The following FOXP1 variants were observed in gnomAD, a reference collection of about 807,000 sequenced individuals.
FOXP1 encodes the protein forkhead box P1.
A neutral mutation model predicts 98.2 loss-of-function variants in FOXP1; 15 were observed. The ratio of observed to expected loss-of-function variants is 0.15; its 90% CI spans 0.10 to 0.24. The LOEUF (loss-of-function observed/expected upper bound fraction) is 0.24. FOXP1 is among the 10% of genes least tolerant of loss of function. The pLI is 1.00. For synonymous variants in FOXP1, 371 were observed against 314.5 expected (o/e 1.18, Z -1.90); for missense variants, 633 against 848.5 (o/e 0.75, Z 3.15).
chr3:71,340,712 C>G (rs1456054255), intron 4 of FOXP1, among the ~76,000 whole-genome samples: 1 of 152,114 alleles, frequency 6.6e-6, no homozygotes, highest in African/African-American at 2.4e-5. Context: ...ACCCTACCAG[C>G]TGCCCACAAT....
intron 6 of FOXP1, among the ~76,000 whole-genome samples, chr3:71,135,152 G>A (rs1167423776): frequency 1.4e-5 from 2 of 142,646 alleles, no homozygotes; most frequent in African/African-American, 2.8e-5. Context: ...CCAGCTGCTC[G>A]GGAGGCTAAG....
chr3:71,250,476 A>G (rs1249113392), intron 5 of FOXP1, among the ~76,000 whole-genome samples: 1 of 152,026 alleles, frequency 6.6e-6, no homozygotes, highest in Non-Finnish European at 1.5e-5. Context: ...AGTGGCTGCC[A>G]TATCTTGGAC....
At chr3:71,328,036 G>C (rs1300346162) in intron 4 of FOXP1, among the ~76,000 whole-genome samples, 1 of 152,286 alleles carries the variant, frequency 6.6e-6, no homozygotes, top group East Asian at 1.9e-4. Flanking sequence ...ATCAGCAGTA[G>C]AGAGATCTGA....
intron 4 of FOXP1, among the ~76,000 whole-genome samples, chr3:71,320,277 A>AG (rs2075313701): frequency 6.6e-6 from 1 of 152,046 alleles, no homozygotes; most frequent in Non-Finnish European, 1.5e-5. Context: ...CGGAAGGCCA[A>AG]GGGGAAGCAT....
intron 3 of FOXP1, among the ~76,000 whole-genome samples, chr3:71,440,151 A>C (rs1366018810): frequency 6.6e-6 from 1 of 152,220 alleles, no homozygotes; most frequent in Non-Finnish European, 1.5e-5. Flanking sequence ...CAGTTATGCA[A>C]GATGAGAAAG....
intron 13 of FOXP1, among the ~76,000 whole-genome samples, chr3:71,000,378 A>G (rs2041960731): frequency 6.6e-6 from 1 of 151,952 alleles, no homozygotes; most frequent in South Asian, 2.1e-4. Flanking sequence ...TGCACGGTGA[A>G]CTCTCAGTTA....
At chr3:71,533,184 T>C (rs575500960) in intron 2 of FOXP1, among the ~76,000 whole-genome samples, 1 of 152,228 alleles carries the variant, frequency 6.6e-6, no homozygotes, top group African/African-American at 2.4e-5. Context: ...TTAGGCAAGA[T>C]GCATTATCAT....
At chr3:71,391,679 C>A (rs1203207192) in intron 3 of FOXP1, among the ~76,000 whole-genome samples, 1 of 152,374 alleles carries the variant, frequency 6.6e-6, no homozygotes, top group East Asian at 1.9e-4. Context: ...GGATTGCCCA[C>A]TAACTCTCAG....
intron 20 of FOXP1, among the ~76,000 whole-genome samples, chr3:70,964,077 C>G (rs999940375): frequency 2.0e-5 from 3 of 152,078 alleles, no homozygotes; most frequent in African/African-American, 4.8e-5. Context: ...AATATGAGGT[C>G]AAAAAGAGTA....
At chr3:71,466,294 G>T (rs575090317) in intron 3 of FOXP1, among the ~76,000 whole-genome samples, 5 of 152,242 alleles carry the variant, frequency 3.3e-5, no homozygotes, top group Admixed American at 6.5e-5. Context: ...AATCTGAACA[G>T]GCGAGCTGCT....
At chr3:71,107,538 A>C (rs1184575189) in intron 7 of FOXP1, among the ~76,000 whole-genome samples, 1 of 152,190 alleles carries the variant, frequency 6.6e-6, no homozygotes, top group African/African-American at 2.4e-5. Context: ...AAAGATATCA[A>C]AATTTCAATG....
rs566685975 is a variant in FOXP1 at position 70,993,322 on chromosome 3, C to T, written c.1063-5245G>A. On this transcript the variant is annotated intron_variant, in intron 13 of 20. Transcript: ENST00000649528. ...ATGCCCAGGACAGAGCTCCGCAAGGCAGAGTGGCATGGCCCCCAAAGCCGG... is the reference window on the plus strand; with the variant it reads ...ATGCCCAGGACAGAGCTCCGCAAGGTAGAGTGGCATGGCCCCCAAAGCCGG... Among the ~76,000 whole-genome samples, 32 of 152,288 alleles carry T rather than the reference C, an allele frequency of 2.1e-4. No homozygotes were observed. In the East Asian group the frequency reaches 3.5e-3, roughly 17 times the overall value.
At chr3:71,024,198 C>T (rs576050506) in intron 11 of FOXP1, among the ~76,000 whole-genome samples, 5 of 152,264 alleles carry the variant, frequency 3.3e-5, no homozygotes, top group African/African-American at 7.2e-5. Flanking sequence ...GGAGAAACGA[C>T]GATGCAAGGG....
At chr3:71,402,934 C>A (rs191260282) in intron 3 of FOXP1, among the ~76,000 whole-genome samples, 37 of 152,334 alleles carry the variant, frequency 2.4e-4, no homozygotes, top group African/African-American at 6.7e-4. Flanking sequence ...GGCTCTCCAC[C>A]CAATCCACTC....
chr3:71,290,772 C>T (rs1440180715), intron 5 of FOXP1, among the ~76,000 whole-genome samples: 1 of 152,192 alleles, frequency 6.6e-6, no homozygotes, highest in Non-Finnish European at 1.5e-5. Flanking sequence ...ACAGATACAA[C>T]ACTCAAAGGA....
chr3:71,262,355 A>G (rs1271800601), intron 5 of FOXP1, among the ~76,000 whole-genome samples: 1 of 150,312 alleles, frequency 6.7e-6, no homozygotes, highest in Non-Finnish European at 1.5e-5. Context: ...TACAAAAAAG[A>G]TATGATCCCA....
In FOXP1 at chr3:71,126,725, G is replaced by A. The variant is rs181421258; in HGVS notation, c.181-14088C>T. Among the ~76,000 whole-genome samples, 254 of 151,708 alleles carry A rather than the reference G, an allele frequency of 1.7e-3. 3 individuals carry two copies. The highest frequency in any genetic ancestry group is 2.7e-4 in the Non-Finnish European group (18 of 67,920). ...TGTAGTCCCAGCTACTTAGGAGGAC[G>A]ATGCATGAGAATCCCTTGAACCCGT... On this transcript the variant is annotated intron_variant, in intron 6 of 20. Transcript: ENST00000649528.
chr3:71,483,760 A>C (rs1485631159), intron 3 of FOXP1, among the ~76,000 whole-genome samples: 1 of 152,190 alleles, frequency 6.6e-6, no homozygotes, highest in Admixed American at 6.5e-5. Flanking sequence ...TCCCTGTTAC[A>C]GGCAGAAATT....
At chr3:71,466,336 T>A (rs1413920159) in intron 3 of FOXP1, among the ~76,000 whole-genome samples, 1 of 152,226 alleles carries the variant, frequency 6.6e-6, no homozygotes, top group Admixed American at 6.5e-5. Context: ...TTTCCCCAGC[T>A]ATTTGTCAAC....
Sources: allele counts gnomAD v4.1 joint callset (sites outside exome capture counted in the v4.1 genomes callset), GRCh38; gene constraint gnomAD v4.1.1; transcripts MANE v1.5; gene names NCBI Gene and HGNC (gene_info 2026-07-23, HGNC 2026-07-21).